PPP1R42: variants seen among roughly 807,000 people sequenced by gnomAD.
PPP1R42 encodes protein phosphatase 1 regulatory subunit 42, also known as leucine rich repeat containing 67.
PPP1R42 carries 34 observed loss-of-function variants against 31.0 expected under a neutral mutation model. That is an observed-to-expected ratio of 1.10 (90% confidence interval 0.83 to 1.46). The LOEUF (loss-of-function observed/expected upper bound fraction) is 1.46, where lower values mean the gene tolerates loss of function less well. Ranked by LOEUF, PPP1R42 falls within the 40% of genes most tolerant of loss-of-function variation. PPP1R42 has a pLI of 0.00. For synonymous variants in PPP1R42, 103 were observed against 109.8 expected (o/e 0.94, Z 0.39); for missense variants, 268 against 303.0 (o/e 0.88, Z 0.86).
rs1177168194 is a variant in PPP1R42, at chr8:66,989,293, A to G, written c.553-776T>C. Reference sequence around the variant, plus strand: ...TAAGGAAAACAGATTAACGGAACTTAAGAACTAACTGTCTCAGTTTGCTTT... The same window carrying G: ...TAAGGAAAACAGATTAACGGAACTTGAGAACTAACTGTCTCAGTTTGCTTT... On this transcript the variant is annotated intron_variant, in intron 5 of 7. Transcript: ENST00000685739. 3.3e-5 allele frequency among the ~76,000 whole-genome samples: 5 copies of G among 152,328 alleles called. No homozygotes were observed. The South Asian group carries it at 6.2e-4, about 19-fold the overall frequency.
At chr8:67,024,625 C>T (rs560362131) in intron 1 of PPP1R42, among the ~76,000 whole-genome samples, 124 of 152,086 alleles carry the variant, frequency 8.2e-4, no homozygotes, top group Middle Eastern at 6.8e-3. Flanking sequence ...CAGGCGCCTC[C>T]CACCAAGCCC....
chr8:66,973,765 G>A (rs746881026), intron 7 of PPP1R42, among the ~76,000 whole-genome samples: 6 of 152,100 alleles, frequency 3.9e-5, no homozygotes, highest in Non-Finnish European at 7.4e-5. Context: ...CTCAGCTGCT[G>A]GAAATAGCAC....
At position 66,968,021 on chromosome 8, in the gene PPP1R42, T is replaced by TA. The variant is rs1363462303; in HGVS notation, c.803-3688dup. Among the ~76,000 whole-genome samples the TA allele has an allele frequency of 2.0e-5, 3 of 152,220 alleles. No individual in the cohort carries two copies. The East Asian group carries it at 5.8e-4, about 29-fold the overall frequency. On this transcript the variant is annotated intron_variant, in intron 7 of 7. Transcript: ENST00000685739. The stretch of plus-strand genomic sequence containing the variant: ...AGAGGAAACATCTGTCAGAAGTATT[T>TA]ACTGTGACAAACACAGAAAGAAGCA...
At chr8:66,965,849 G>C (rs1322843055) in intron 7 of PPP1R42, among the ~76,000 whole-genome samples, 1 of 152,048 alleles carries the variant, frequency 6.6e-6, no homozygotes, top group African/African-American at 2.4e-5. Flanking sequence ...CTTGAACACA[G>C]AAGGTTGAGG....
chr8:67,001,010 T>A (rs1413848587), intron 5 of PPP1R42, among the ~76,000 whole-genome samples: 1 of 152,188 alleles, frequency 6.6e-6, no homozygotes, highest in African/African-American at 2.4e-5. Flanking sequence ...TGAGGATTGT[T>A]ATGTTTTCTT....
chr8:67,014,624 A>G, intron 2 of PPP1R42, 32 bp from the exon 3 acceptor site: 1 of 1,451,970 alleles, frequency 6.9e-7, no homozygotes, highest in South Asian at 1.3e-5. Context: ...GTCAAATGTA[A>G]TTTCTCCTGA....
chr8:67,018,503 A>G (rs1816088401), intron 1 of PPP1R42, among the ~76,000 whole-genome samples: 1 of 147,782 alleles, frequency 6.8e-6, no homozygotes, highest in African/African-American at 2.5e-5. Flanking sequence ...AGGCATGATC[A>G]TAGTGCACTG....
At chr8:67,000,301 C>G (rs1052940643) in intron 5 of PPP1R42, among the ~76,000 whole-genome samples, 2 of 151,034 alleles carry the variant, frequency 1.3e-5, no homozygotes, top group Admixed American at 1.3e-4. Context: ...TTTTTCTTTT[C>G]TACTATAAGC....
At chr8:66,985,023 A>C (rs564639106) in intron 6 of PPP1R42, 1 of 1,508,560 alleles carries the variant, frequency 6.6e-7, no homozygotes, top group South Asian at 1.1e-5. Flanking sequence ...TTTCCTCTCT[A>C]AGGTTAAAGC....
At chr8:66,985,764 C>G (rs1406991552) in intron 6 of PPP1R42, 2 of 1,251,498 alleles carry the variant, frequency 1.6e-6, no homozygotes, top group Middle Eastern at 1.9e-4. Flanking sequence ...GTTTTTTCCT[C>G]TCCTGGATTT....
intron 6 of PPP1R42, chr8:66,986,318 A>C (rs1324161801): frequency 1.9e-6 from 1 of 521,270 alleles, no homozygotes; most frequent in East Asian, 5.1e-5. Context: ...GAAAGGATCC[A>C]TGGTTTCAGC....
chr8:67,000,828 T>C (rs1815461738), intron 5 of PPP1R42, among the ~76,000 whole-genome samples: 1 of 152,264 alleles, frequency 6.6e-6, no homozygotes. Context: ...TGGTTGGTTA[T>C]GTTATACCTA....
At chr8:66,989,631 T>C (rs1282396513) in intron 5 of PPP1R42, among the ~76,000 whole-genome samples, 4 of 152,290 alleles carry the variant, frequency 2.6e-5, no homozygotes, top group South Asian at 2.1e-4. Flanking sequence ...GCAAAGAACA[T>C]GGGAGTGCAC....
chr8:67,019,151 T>C (rs1163145249), intron 1 of PPP1R42, among the ~76,000 whole-genome samples: 6 of 149,164 alleles, frequency 4.0e-5, no homozygotes, highest in Non-Finnish European at 3.0e-5. Context: ...ACTGCAATCT[T>C]TGAACTCCTG....
chr8:66,990,434 C>T (rs1022782829), intron 5 of PPP1R42, among the ~76,000 whole-genome samples: 4 of 152,168 alleles, frequency 2.6e-5, no homozygotes, highest in East Asian at 1.9e-4. Context: ...CCTTTGGATA[C>T]GCTCTGGTTG....
chr8:66,971,142 T>C (rs748512539), intron 7 of PPP1R42: 2 of 1,486,870 alleles, frequency 1.3e-6, no homozygotes, highest in Admixed American at 2.6e-5. Flanking sequence ...TGAAGTTACC[T>C]GTAGCACACA....
chr8:67,020,603 GATA>G (rs1816185395), intron 1 of PPP1R42, among the ~76,000 whole-genome samples: 1 of 152,168 alleles, frequency 6.6e-6, no homozygotes, highest in African/African-American at 2.4e-5. Flanking sequence ...ACAAAATAAG[GATA>G]ATAATAGTCC....
At chr8:66,981,441 G>A (rs1301796352) in intron 7 of PPP1R42, among the ~76,000 whole-genome samples, 3 of 150,238 alleles carry the variant, frequency 2.0e-5, no homozygotes, top group South Asian at 4.2e-4. Context: ...GTGCAATGGC[G>A]CAATCTCGGC....
At chr8:66,995,681 T>G (rs1345949631) in intron 5 of PPP1R42, among the ~76,000 whole-genome samples, 1 of 152,208 alleles carries the variant, frequency 6.6e-6, no homozygotes, top group African/African-American at 2.4e-5. Context: ...CAAGGTTATA[T>G]TGATCAAGTT....
Sources: allele counts gnomAD v4.1 joint callset (sites outside exome capture counted in the v4.1 genomes callset), GRCh38; gene constraint gnomAD v4.1.1; transcripts MANE v1.5; gene names NCBI Gene and HGNC (gene_info 2026-07-23, HGNC 2026-07-21).